GLS: variants seen among roughly 807,000 people sequenced by gnomAD.
The protein encoded by GLS is glutaminase kidney isoform, mitochondrial.
Under a neutral mutation model 86.7 loss-of-function variants are expected in GLS, and 36 were observed. The ratio of observed to expected loss-of-function variants is 0.42; its 90% CI spans 0.32 to 0.55. The LOEUF (loss-of-function observed/expected upper bound fraction) is 0.55, where lower values mean the gene tolerates loss of function less well. Among genes scored for constraint, GLS ranks in the 20% least tolerant of loss-of-function variants. The pLI is 0.17. For synonymous variants in GLS, 317 were observed against 305.9 expected, an observed-to-expected ratio of 1.04 and a Z score of -0.38; for missense variants, 528 against 833.4, an observed-to-expected ratio of 0.63 and a Z score of 4.51.
chr2:190,964,525 A>G lies in GLS; in HGVS notation c.*1539A>G, dbSNP rs1296974255. 1 of 151,772 alleles carries G rather than the reference A, an allele frequency of 6.6e-6. No homozygotes were observed. Among genetic ancestry groups the G allele is most frequent in the Non-Finnish European group, 1.5e-5 (1 of 67,926 alleles). 9.4% of individuals were successfully genotyped at this position (151,772 alleles called of 1,614,324 possible). A position where few individuals can be genotyped will look rare whatever the true frequency, so the allele number is the denominator to read the frequency against. On this transcript the variant is annotated 3_prime_UTR_variant, in exon 18 of 18. Transcript: ENST00000320717. This position sits in a 1 kb window ranked among gnomAD's most constrained non-coding sequence, Gnocchi z 5.2. The stretch of plus-strand genomic sequence containing the variant: ...GCAGCCTCCAGGTGCTTTCATTTTC[A>G]CTTCCAGTCTAAGCCAGTGGCTCCT...
chr2:190,906,284 A>C (rs1689133116), intron 6 of GLS, among the ~76,000 whole-genome samples: 1 of 152,154 alleles, frequency 6.6e-6, no homozygotes, highest in Admixed American at 6.5e-5. Flanking sequence ...CTTTTCCATG[A>C]ACAGCAAAGG....
Position 190,921,084 on chromosome 2 carries a change from A to T in GLS, c.1071+28A>T. The T allele has an allele frequency of 6.3e-7, 1 of 1,584,450 alleles. No homozygotes were observed. Among genetic ancestry groups the T allele is most frequent in the Non-Finnish European group, 8.7e-7 (1 of 1,153,692 alleles). ...AAGTGCAACATGTCATTCAGTTTTC[A>T]TGCCACATTCTCTATATATTTGTTT... On this transcript the variant is annotated intron_variant, in intron 8 of 17. Coordinates refer to ENST00000320717, the MANE Select transcript of GLS (RefSeq NM_014905.5). This position sits in a 1 kb window ranked among gnomAD's most constrained non-coding sequence, Gnocchi z 4.2.
At chr2:190,940,820 A>G (rs73054727) in intron 14 of GLS, among the ~76,000 whole-genome samples, 17,426 of 151,614 alleles carry the variant, frequency 0.11, 1,370 homozygotes, top group Admixed American at 0.27. Flanking sequence ...CTGGTACCCA[A>G]CCAATATCCA....
Position 190,880,993 on chromosome 2 carries a change from C to A in GLS, c.-92C>A. 1 of 1,381,702 alleles carries A rather than the reference C, an allele frequency of 7.2e-7. No individual in the cohort carries two copies. The highest frequency in any genetic ancestry group is 9.8e-7 in the Non-Finnish European group (1 of 1,016,990). 85.6% of individuals were successfully genotyped at this position (1,381,702 alleles called of 1,614,324 possible). ...GCCCTTTCCTCTTCTGTCATCTCACCGCCCCACCACAGACCGCGTTCCCCG... is the reference window on the plus strand; with the variant it reads ...GCCCTTTCCTCTTCTGTCATCTCACAGCCCCACCACAGACCGCGTTCCCCG... On this transcript the variant is annotated 5_prime_UTR_variant, in exon 1 of 18. Transcript: ENST00000320717.
chr2:190,940,729 T>C (rs556597902), intron 14 of GLS, among the ~76,000 whole-genome samples: 5 of 152,026 alleles, frequency 3.3e-5, no homozygotes, highest in Non-Finnish European at 4.4e-5. Context: ...CTGTTTTACT[T>C]AGTTAGCAAA....
At chr2:190,885,431 C>G (rs999386681) in intron 1 of GLS, among the ~76,000 whole-genome samples, 1 of 152,190 alleles carries the variant, frequency 6.6e-6, no homozygotes, top group Non-Finnish European at 1.5e-5. Context: ...CTCAGATGAT[C>G]TGCCCGCTGT....
chr2:190,914,355 G>A lies in GLS; in HGVS notation c.1038+4034G>A, dbSNP rs1375895347. On this transcript the variant is annotated intron_variant, in intron 7 of 17. Coordinates refer to ENST00000320717, the MANE Select transcript of GLS (RefSeq NM_014905.5). This position sits in a 1 kb window ranked among gnomAD's most constrained non-coding sequence, Gnocchi z 4.4. ...TGTGACTCTCAGAGTAATGCATGAT[G>A]CCTTGGACTTGCAACATTCAGAAGA... Among the ~76,000 whole-genome samples, 1 of 151,436 alleles carries A rather than the reference G, an allele frequency of 6.6e-6. No homozygotes were observed. The highest frequency in any genetic ancestry group is 1.5e-5 in the Non-Finnish European group (1 of 67,928).
chr2:190,893,232 C>T (rs909956194), intron 1 of GLS, among the ~76,000 whole-genome samples: 4 of 152,092 alleles, frequency 2.6e-5, no homozygotes, highest in Non-Finnish European at 5.9e-5. Context: ...CTTGTTTGTA[C>T]CTTATAAAAG....
At chr2:190,887,478 T>C (rs1234144937) in intron 1 of GLS, among the ~76,000 whole-genome samples, 4 of 152,164 alleles carry the variant, frequency 2.6e-5, no homozygotes, top group African/African-American at 9.7e-5. Context: ...TGTTGCATAA[T>C]GAATAAAACT....
chr2:190,962,837 A>G lies in GLS; in HGVS notation c.1861A>G (p.Asn621Asp). The change falls in exon 18 of 18, where the codon AAC (asparagine) becomes GAC (aspartate). Residue 621 changes from asparagine (N) to aspartate (D), a missense_variant. Around this residue, in one of 4 missense-constraint regions of GLS, gnomAD observed 163 missense variants for 429.2 expected, o/e 0.38. Coordinates refer to ENST00000320717, the MANE Select transcript of GLS (RefSeq NM_014905.5). This position sits in a 1 kb window ranked among gnomAD's most constrained non-coding sequence, Gnocchi z 4.2. The stretch of plus-strand genomic sequence containing the variant: ...GCTGTGCTACGTGTTTAGGTGGAAT[A>G]ACACTCCCATGGATGAAGCACTGCA... ...VNPFPKDRWNNTPMDEALHFG... is the reference protein window; with the variant it reads ...VNPFPKDRWNDTPMDEALHFG... 1 of 1,540,284 alleles carries G rather than the reference A, an allele frequency of 6.5e-7. No individual in the cohort carries two copies. Among genetic ancestry groups the G allele is most frequent in the Admixed American group, 2.2e-5 (1 of 44,786 alleles).
Position 190,913,659 on chromosome 2 carries a change from A to T in GLS, c.1038+3338A>T, listed in dbSNP as rs1689429906. 3.1e-6 allele frequency: 3 copies of T among 976,966 alleles called. No homozygotes were observed. The highest frequency in any genetic ancestry group is 3.6e-6 in the Non-Finnish European group (3 of 822,330). The allele number at this position is 976,966 out of a possible 1,614,324, so 60.5% of individuals were successfully genotyped here. ...AAATTTCACGTAGTTTTAGTTTAAA[A>T]GTTAAGATCTGGTGATAACTTAAGG... On this transcript the variant is annotated intron_variant, in intron 7 of 17. Transcript: ENST00000320717. This position sits in a 1 kb window ranked among gnomAD's most constrained non-coding sequence, Gnocchi z 6.1.
At chr2:190,937,002 G>A (rs1218490581) in intron 14 of GLS, among the ~76,000 whole-genome samples, 1 of 151,230 alleles carries the variant, frequency 6.6e-6, no homozygotes, top group Non-Finnish European at 1.5e-5. Context: ...TTTGCATTGT[G>A]TAATAAAACC....
rs1398937136 is a variant in GLS at position 190,935,940 on chromosome 2, A to G, written c.1650+4303A>G. 6.6e-6 allele frequency among the ~76,000 whole-genome samples: 1 copy of G among 151,176 alleles called. No homozygotes were observed. Among genetic ancestry groups the G allele is most frequent in the East Asian group, 1.9e-4 (1 of 5,194 alleles). ...TATTGTAGGTCAAATATAGTACTTT[A>G]CATTTTTATGTTTAATTAAATCTGC... is the stretch of plus-strand genomic sequence containing the variant. On this transcript the variant is annotated intron_variant, in intron 14 of 17. Coordinates refer to ENST00000320717, the MANE Select transcript of GLS (RefSeq NM_014905.5). This position sits in a 1 kb window ranked among gnomAD's most constrained non-coding sequence, Gnocchi z 4.2.
chr2:190,954,875 T>C lies in GLS; in HGVS notation c.1853+57T>C. 1.8e-6 allele frequency: 2 copies of C among 1,112,026 alleles called. No individual in the cohort carries two copies. Among genetic ancestry groups the C allele is most frequent in the Non-Finnish European group, 2.6e-6 (2 of 759,006 alleles). The allele number at this position is 1,112,026 out of a possible 1,614,324, so 68.9% of individuals were successfully genotyped here. A position where few individuals can be genotyped will look rare whatever the true frequency, so the allele number is the denominator to read the frequency against. On this transcript the variant is annotated intron_variant, in intron 17 of 17. Transcript: ENST00000320717. This position sits in a 1 kb window ranked among gnomAD's most constrained non-coding sequence, Gnocchi z 4.0. ...AGTATTTTATTATGCAGGACTGTAA[T>C]ATTCAAGTGATGATAATATTTCAAC...
Position 190,924,357 on chromosome 2 carries a change from C to T in GLS, c.1198-186C>T, listed in dbSNP as rs1465611523. ...TTATCATTGTCAGTTAAACTAGTAT[C>T]TAGAAACTTACATGATGTGATAAAA... On this transcript the variant is annotated intron_variant, in intron 10 of 17. Coordinates refer to ENST00000320717, the MANE Select transcript of GLS (RefSeq NM_014905.5). This position sits in a 1 kb window ranked among gnomAD's most constrained non-coding sequence, Gnocchi z 5.2. 6.6e-6 allele frequency among the ~76,000 whole-genome samples: 1 copy of T among 151,984 alleles called. No individual in the cohort carries two copies. Among genetic ancestry groups the T allele is most frequent in the Non-Finnish European group, 1.5e-5 (1 of 68,016 alleles).
chr2:190,884,767 C>G (rs1325953405), intron 1 of GLS, among the ~76,000 whole-genome samples: 1 of 152,168 alleles, frequency 6.6e-6, no homozygotes, highest in Non-Finnish European at 1.5e-5. Flanking sequence ...ATAGATAATT[C>G]ATACAGGATG....
At chr2:190,960,293 C>T (rs1690967572) in intron 17 of GLS, among the ~76,000 whole-genome samples, 1 of 150,476 alleles carries the variant, frequency 6.6e-6, no homozygotes, top group East Asian at 1.9e-4. Flanking sequence ...GAACTGGGAG[C>T]TGTATTAAGT....
rs35753740 is a variant in GLS at position 190,921,977 on chromosome 2, C to CG, written c.1130+775dup. 6.6e-6 allele frequency among the ~76,000 whole-genome samples: 1 copy of CG among 152,072 alleles called. No individual in the cohort carries two copies. The highest frequency in any genetic ancestry group is 1.5e-5 in the Non-Finnish European group (1 of 67,954). On this transcript the variant is annotated intron_variant, in intron 9 of 17. Coordinates refer to ENST00000320717, the MANE Select transcript of GLS (RefSeq NM_014905.5). This position sits in a 1 kb window ranked among gnomAD's most constrained non-coding sequence, Gnocchi z 4.2. Reference sequence around the variant, plus strand: ...TTGTCTCTTTACTTAGAACAGTCCCCGTGCCCTTGCTTTCACAAATTTTAT... The same window carrying CG: ...TTGTCTCTTTACTTAGAACAGTCCCCGGTGCCCTTGCTTTCACAAATTTTAT...
intron 17 of GLS, among the ~76,000 whole-genome samples, chr2:190,958,387 T>C (rs554120245): frequency 1.3e-5 from 2 of 152,304 alleles, no homozygotes; most frequent in African/African-American, 2.4e-5. Flanking sequence ...CCTGGATTCA[T>C]TGATTTTTTG....
Sources: allele counts gnomAD v4.1 joint callset (sites outside exome capture counted in the v4.1 genomes callset), GRCh38; gene constraint gnomAD v4.1.1; regional missense constraint gnomAD v4.1.1; non-coding constraint Gnocchi (gnomAD v3.1); transcripts MANE v1.5; gene names NCBI Gene and HGNC (gene_info 2026-07-23, HGNC 2026-07-21).